ATCAY: variants seen among roughly 807,000 people sequenced by gnomAD.
The protein encoded by ATCAY is ATCAY kinesin light chain interacting caytaxin.
In ATCAY, 22 loss-of-function variants were observed where a neutral mutation model predicts 47.7. The ratio of observed to expected loss-of-function variants is 0.46; its 90% CI spans 0.33 to 0.66. The LOEUF is 0.66. Among genes scored for constraint, ATCAY ranks in the 30% least tolerant of loss-of-function variants. The probability of loss-of-function intolerance (pLI) is 0.02; values close to 1 mark genes in which losing one functional copy is unlikely to be tolerated. For synonymous variants in ATCAY, 216 were observed against 207.6 expected (o/e 1.04, Z -0.35); for missense variants, 452 against 515.0 (o/e 0.88, Z 1.18).
rs2039056947 is a variant in ATCAY, at chr19:3,925,327, C to G, written c.*735C>G. On this transcript the variant is annotated 3_prime_UTR_variant, in exon 13 of 13. Coordinates refer to ENST00000450849, the MANE Select transcript of ATCAY (RefSeq NM_033064.5). This position sits in a 1 kb window ranked among gnomAD's most constrained non-coding sequence, Gnocchi z 4.4. ...AAGCCCCTTTAACTCAGATGTCAAG[C>G]CACCGGGCAAACCCCGTCAATACCT... 1 of 152,196 alleles carries G rather than the reference C, an allele frequency of 6.6e-6. No individual in the cohort carries two copies. Among genetic ancestry groups the G allele is most frequent in the Non-Finnish European group, 1.5e-5 (1 of 68,068 alleles). 9.4% of individuals were successfully genotyped at this position (152,196 alleles called of 1,614,324 possible).
intron 2 of ATCAY, among the ~76,000 whole-genome samples, chr19:3,896,371 G>A (rs973133304): frequency 3.3e-5 from 5 of 151,288 alleles, no homozygotes; most frequent in African/African-American, 7.3e-5. Flanking sequence ...GGGTTCAAGC[G>A]ATTCTCTTGC....
intron 9 of ATCAY, among the ~76,000 whole-genome samples, chr19:3,915,720 T>A (rs1348524740): frequency 7.5e-6 from 1 of 132,590 alleles, no homozygotes; most frequent in Non-Finnish European, 1.5e-5. Flanking sequence ...CCAGCTAATT[T>A]TTTTTTTTTT....
chr19:3,895,579 C>G (rs1052643114), intron 2 of ATCAY, among the ~76,000 whole-genome samples: 2 of 152,066 alleles, frequency 1.3e-5, no homozygotes, highest in African/African-American at 4.8e-5. Flanking sequence ...ACTCGTAGCG[C>G]TGGATGGAGT....
intron 9 of ATCAY, among the ~76,000 whole-genome samples, chr19:3,915,893 T>C (rs2038962741): frequency 6.6e-6 from 1 of 151,928 alleles, no homozygotes; most frequent in Non-Finnish European, 1.5e-5. Context: ...TTTTGTCATG[T>C]TGGCCAGGCT....
intron 8 of ATCAY, 81 bp from the exon 9 acceptor site, chr19:3,913,677 C>T (rs72975179): frequency 9.5e-6 from 10 of 1,054,984 alleles, no homozygotes; most frequent in East Asian, 5.1e-5. Flanking sequence ...GGATCCCTGT[C>T]GCCATGGCTC....
In ATCAY at chr19:3,886,577, A is replaced by T. The variant is rs1221368799; in HGVS notation, c.77+733A>T. On this transcript the variant is annotated intron_variant, in intron 2 of 12. Transcript: ENST00000450849. ...TGCACTCCAGCCTGGGCGACAGGTG[A>T]GACTCCATCTCAAAAGAAAAAAAAA... 2.8e-5 allele frequency among the ~76,000 whole-genome samples: 4 copies of T among 143,314 alleles called. No homozygotes were observed. In the Admixed American group the frequency reaches 2.9e-4, roughly 10 times the overall value. The allele number at this position is 143,314 out of a possible 152,430, so 94.0% of individuals were successfully genotyped here.
At chr19:3,903,678 C>G (rs186847209) in intron 3 of ATCAY, among the ~76,000 whole-genome samples, 29 of 151,902 alleles carry the variant, frequency 1.9e-4, no homozygotes, top group Middle Eastern at 6.8e-3. Context: ...TACACACCAC[C>G]ATGGCTGGTT....
At chr19:3,905,808 A>G (rs2145244326) in intron 4 of ATCAY, among the ~76,000 whole-genome samples, 153 bp downstream of exon 4, 1 of 151,948 alleles carries the variant, frequency 6.6e-6, no homozygotes, top group South Asian at 2.1e-4. Context: ...CTGCAGTGAG[A>G]CGTGATCATG....
intron 9 of ATCAY, 133 bp downstream of exon 9, chr19:3,913,989 C>A: frequency 2.8e-6 from 2 of 711,074 alleles, no homozygotes; most frequent in South Asian, 3.5e-5. Context: ...GTAATCCCAG[C>A]ACTTTGGGAG....
chr19:3,899,170 C>T (rs112754586), intron 2 of ATCAY, among the ~76,000 whole-genome samples: 3,643 of 151,828 alleles, frequency 0.024, 54 homozygotes, highest in Non-Finnish European at 0.034. Flanking sequence ...GCACTGGAGA[C>T]GCAGTGGTTA....
At chr19:3,887,746 A>G (rs965691054) in intron 2 of ATCAY, among the ~76,000 whole-genome samples, 2 of 147,924 alleles carry the variant, frequency 1.4e-5, no homozygotes, top group Non-Finnish European at 3.0e-5. Context: ...TCGGCCTCCC[A>G]AAGTGCTGGG....
intron 6 of ATCAY, among the ~76,000 whole-genome samples, chr19:3,908,789 C>T (rs1166376338): frequency 3.3e-4 from 18 of 54,492 alleles, no homozygotes; most frequent in Non-Finnish European, 7.1e-4. Context: ...CCTTCTCCTC[C>T]TCTTCCTCCC....
At chr19:3,910,953 G>A in intron 8 of ATCAY, 64 bp downstream of exon 8, 2 of 1,540,664 alleles carry the variant, frequency 1.3e-6, no homozygotes, top group Admixed American at 1.7e-5. Flanking sequence ...GTGTGTGTAT[G>A]CATGCATTTG....
chr19:3,912,331 T>A (rs1479996237), intron 8 of ATCAY, among the ~76,000 whole-genome samples: 1 of 151,412 alleles, frequency 6.6e-6, no homozygotes, highest in East Asian at 2.0e-4. Context: ...TTTTTTTTTT[T>A]CAGACGGAGT....
intron 3 of ATCAY, among the ~76,000 whole-genome samples, chr19:3,905,130 T>C (rs1243766475): frequency 6.6e-6 from 1 of 152,176 alleles, no homozygotes; most frequent in Non-Finnish European, 1.5e-5. Flanking sequence ...AGTGCTGGGA[T>C]TACAGGCGTG....
chr19:3,928,002 A>T lies in ATCAY; in HGVS notation c.*3410A>T, dbSNP rs1351592181. ...AGAACAGAAATGATCACTACGATTG[A>T]CGACGGTCGTGATGTTAAGACGTCG... On this transcript the variant is annotated 3_prime_UTR_variant, in exon 13 of 13. Transcript: ENST00000450849. 6.6e-6 allele frequency: 1 copy of T among 152,202 alleles called. No individual in the cohort carries two copies. The highest frequency in any genetic ancestry group is 1.5e-5 in the Non-Finnish European group (1 of 68,042). 9.4% of individuals were successfully genotyped at this position (152,202 alleles called of 1,614,324 possible).
intron 9 of ATCAY, among the ~76,000 whole-genome samples, chr19:3,916,016 A>G (rs2038963741): frequency 6.6e-6 from 1 of 151,760 alleles, no homozygotes; most frequent in Non-Finnish European, 1.5e-5. Flanking sequence ...CATCTTCCCA[A>G]ACTGAAACTC....
chr19:3,882,304 C>A (rs1168363406), intron 1 of ATCAY, among the ~76,000 whole-genome samples: 1 of 151,844 alleles, frequency 6.6e-6, no homozygotes, highest in Non-Finnish European at 1.5e-5. Flanking sequence ...GAGCCACTGC[C>A]CCCAGCCAGA....
rs764695068 is a variant in ATCAY, at chr19:3,925,443, A to G, written c.*851A>G. 1.3e-5 allele frequency: 2 copies of G among 152,254 alleles called. No homozygotes were observed. The highest frequency in any genetic ancestry group is 2.9e-5 in the Non-Finnish European group (2 of 68,060). The allele number at this position is 152,254 out of a possible 1,614,324, so 9.4% of individuals were successfully genotyped here. On this transcript the variant is annotated 3_prime_UTR_variant, in exon 13 of 13. Transcript: ENST00000450849. This position sits in a 1 kb window ranked among gnomAD's most constrained non-coding sequence, Gnocchi z 4.4. ...CAACGCTGTTCCGGGTTGGAACAGC[A>G]GAGGCTCAGAAACTGGCTCTGAAAT...
Sources: allele counts gnomAD v4.1 joint callset (sites outside exome capture counted in the v4.1 genomes callset), GRCh38; gene constraint gnomAD v4.1.1; non-coding constraint Gnocchi (gnomAD v3.1); transcripts MANE v1.5; gene names NCBI Gene and HGNC (gene_info 2026-07-23, HGNC 2026-07-21).